The following SLC2A13 variants were observed in gnomAD, a reference collection of about 807,000 sequenced individuals.
The protein encoded by SLC2A13 is solute carrier family 2 member 13, also known as proton myo-inositol cotransporter.
In SLC2A13, 32 loss-of-function variants were observed where a neutral mutation model predicts 64.4. That is an observed-to-expected ratio of 0.50 (90% CI 0.37 to 0.67). The LOEUF is 0.67. Among genes scored for constraint, SLC2A13 ranks in the 30% least tolerant of loss-of-function variants. The probability of loss-of-function intolerance (pLI) is 0.00; values close to 1 mark genes in which losing one functional copy is unlikely to be tolerated. For missense variants in SLC2A13, 743 were observed against 829.2 expected (o/e 0.90, Z 1.28); for synonymous variants, 338 against 327.1 (o/e 1.03, Z -0.36).
chr12:39,998,922 G>C (rs12228213), intron 3 of SLC2A13, among the ~76,000 whole-genome samples: 14,867 of 152,186 alleles, frequency 0.098, 889 homozygotes, highest in East Asian at 0.19. Context: ...ACTGAATCAT[G>C]TGGGCAGGTC....
intron 3 of SLC2A13, among the ~76,000 whole-genome samples, chr12:39,994,774 A>C (rs1947200084): frequency 6.6e-6 from 1 of 152,236 alleles, no homozygotes; most frequent in African/African-American, 2.4e-5. Flanking sequence ...TCGCTTCCTC[A>C]TCTGAAAATT....
At chr12:39,784,797 A>T (rs1941126944) in intron 7 of SLC2A13, among the ~76,000 whole-genome samples, 1 of 152,176 alleles carries the variant, frequency 6.6e-6, no homozygotes, top group Non-Finnish European at 1.5e-5. Context: ...CAACCTATAG[A>T]ATGGGAGAAC....
At chr12:39,898,065 G>A (rs540690052) in intron 4 of SLC2A13, among the ~76,000 whole-genome samples, 2 of 152,034 alleles carry the variant, frequency 1.3e-5, no homozygotes, top group Non-Finnish European at 2.9e-5. Flanking sequence ...TATTGAGGAG[G>A]CTTTAGCAAA....
chr12:40,056,284 T>C (rs1196061395), intron 1 of SLC2A13, among the ~76,000 whole-genome samples: 1 of 151,828 alleles, frequency 6.6e-6, no homozygotes, highest in Non-Finnish European at 1.5e-5. Flanking sequence ...AATAGTAGTG[T>C]TATAAAGAGA....
At chr12:39,777,673 C>T (rs1259878209) in intron 7 of SLC2A13, among the ~76,000 whole-genome samples, 1 of 152,130 alleles carries the variant, frequency 6.6e-6, no homozygotes, top group African/African-American at 2.4e-5. Flanking sequence ...GAGAGAAGCA[C>T]ATCAATGGAG....
chr12:39,901,823 C>T (rs1291069279), intron 4 of SLC2A13, among the ~76,000 whole-genome samples: 1 of 144,580 alleles, frequency 6.9e-6, no homozygotes. Flanking sequence ...ACCATTTGAC[C>T]CAGCCATCCC....
At chr12:39,950,417 A>G (rs1211417522) in intron 4 of SLC2A13, 1 of 152,196 alleles carries the variant, frequency 6.6e-6, no homozygotes, top group Non-Finnish European at 1.5e-5. Context: ...AAAGCACATA[A>G]CCTTCTCTAA....
intron 7 of SLC2A13, among the ~76,000 whole-genome samples, chr12:39,799,495 A>G (rs1941708406): frequency 6.6e-6 from 1 of 152,126 alleles, no homozygotes; most frequent in Admixed American, 6.6e-5. Flanking sequence ...CTAAAATTAT[A>G]GTAAAAATAA....
intron 9 of SLC2A13, 144 bp from the exon 10 acceptor site, chr12:39,760,396 G>T: frequency 1.6e-6 from 1 of 640,552 alleles, no homozygotes; most frequent in East Asian, 2.8e-5. Flanking sequence ...CTATGAACCT[G>T]GTTTACTCCA....
At chr12:39,990,676 G>T (rs1369502040) in intron 3 of SLC2A13, among the ~76,000 whole-genome samples, 1 of 152,172 alleles carries the variant, frequency 6.6e-6, no homozygotes, top group Non-Finnish European at 1.5e-5. Flanking sequence ...CTAGGTGGTT[G>T]TGACACTGTG....
intron 4 of SLC2A13, among the ~76,000 whole-genome samples, chr12:39,908,700 C>A (rs930429628): frequency 6.6e-6 from 1 of 151,902 alleles, no homozygotes; most frequent in Non-Finnish European, 1.5e-5. Flanking sequence ...TGGTGGTAAG[C>A]TGGGTTTTCA....
chr12:39,977,316 G>C (rs976731486), intron 3 of SLC2A13, among the ~76,000 whole-genome samples: 4 of 152,154 alleles, frequency 2.6e-5, no homozygotes, highest in African/African-American at 9.7e-5. Context: ...ACCCCTCAAA[G>C]TTTCTAATGT....
At chr12:40,079,754 C>G (rs1328096489) in intron 1 of SLC2A13, among the ~76,000 whole-genome samples, 2 of 152,234 alleles carry the variant, frequency 1.3e-5, no homozygotes, top group Non-Finnish European at 2.9e-5. Context: ...AGGTCTCTTA[C>G]AAACTTGTTT....
intron 1 of SLC2A13, among the ~76,000 whole-genome samples, chr12:40,060,726 G>C (rs1363127616): frequency 6.6e-6 from 1 of 152,030 alleles, no homozygotes; most frequent in East Asian, 1.9e-4. Context: ...TCAAGAACAA[G>C]GGCAAAATTC....
intron 7 of SLC2A13, among the ~76,000 whole-genome samples, chr12:39,805,734 T>A (rs1357471553): frequency 6.6e-6 from 1 of 152,190 alleles, no homozygotes; most frequent in Non-Finnish European, 1.5e-5. Flanking sequence ...GGAGGGGCAC[T>A]TCCTCAGTAA....
intron 4 of SLC2A13, among the ~76,000 whole-genome samples, chr12:39,876,045 C>T (rs1160720684): frequency 6.6e-6 from 1 of 152,174 alleles, no homozygotes; most frequent in Non-Finnish European, 1.5e-5. Flanking sequence ...CTTTCAAAGT[C>T]ATTTTATAAT....
intron 4 of SLC2A13, among the ~76,000 whole-genome samples, chr12:39,914,844 T>C (rs1229040599): frequency 6.6e-6 from 1 of 151,784 alleles, no homozygotes; most frequent in Non-Finnish European, 1.5e-5. Flanking sequence ...AACTATAAAC[T>C]AATAGAAGGA....
intron 3 of SLC2A13, among the ~76,000 whole-genome samples, chr12:40,005,293 A>T (rs1040701705): frequency 6.6e-6 from 1 of 152,216 alleles, no homozygotes. Flanking sequence ...AATGAAGTTC[A>T]TTTGAAGTGT....
intron 1 of SLC2A13, among the ~76,000 whole-genome samples, chr12:40,078,932 A>G (rs775160527): frequency 6.6e-6 from 1 of 152,090 alleles, no homozygotes; most frequent in African/African-American, 2.4e-5. Flanking sequence ...AGGTATTCGT[A>G]ATAGTTTCTG....
Sources: gnomAD v4.1 joint callset for allele counts (sites outside exome capture counted in the v4.1 genomes callset) on GRCh38, gnomAD v4.1.1 for gene constraint, MANE v1.5 for transcripts, NCBI Gene and HGNC (gene_info 2026-07-23, HGNC 2026-07-21) for gene names.